TNIK: variants seen among roughly 807,000 people sequenced by gnomAD.
The protein encoded by TNIK is TRAF2 and NCK interacting kinase, also known as TRAF2 and NCK-interacting protein kinase.
A neutral mutation model predicts 191.3 loss-of-function variants in TNIK; 49 were observed. The observed-to-expected ratio is 0.26, with a 90% CI of 0.20 to 0.32. TNIK has a LOEUF of 0.32. TNIK is among the 10% of genes least tolerant of loss of function. The probability of loss-of-function intolerance (pLI) is 1.00; values close to 1 mark genes in which losing one functional copy is unlikely to be tolerated. For synonymous variants in TNIK, 594 were observed against 600.9 expected, an observed-to-expected ratio of 0.99 and a Z score of 0.17; for missense variants, 1,155 against 1,702.3, an observed-to-expected ratio of 0.68 and a Z score of 5.66.
chr3:171,226,829 G>A (rs897132909), intron 3 of TNIK, among the ~76,000 whole-genome samples: 2 of 152,136 alleles, frequency 1.3e-5, no homozygotes, highest in African/African-American at 2.4e-5. Context: ...TTAGTGAAAC[G>A]TGTATTATGG....
At chr3:171,398,997 C>T (rs1015974844) in intron 1 of TNIK, among the ~76,000 whole-genome samples, 8 of 152,180 alleles carry the variant, frequency 5.3e-5, no homozygotes, top group Admixed American at 4.6e-4. Flanking sequence ...CACAGTAGGT[C>T]ACTTCTCTGT....
At chr3:171,317,963 C>A (rs937827100) in intron 2 of TNIK, among the ~76,000 whole-genome samples, 1 of 152,136 alleles carries the variant, frequency 6.6e-6, no homozygotes, top group Non-Finnish European at 1.5e-5. Context: ...GGAAAGGAAA[C>A]GTGTGTGCTT....
At chr3:171,272,949 T>G (rs537585418) in intron 2 of TNIK, among the ~76,000 whole-genome samples, 9 of 152,370 alleles carry the variant, frequency 5.9e-5, no homozygotes, top group Admixed American at 5.2e-4. Context: ...TAAATAGATA[T>G]TCCAGTCTTC....
intron 2 of TNIK, among the ~76,000 whole-genome samples, chr3:171,362,085 G>A (rs1715066858): frequency 6.6e-6 from 1 of 152,114 alleles, no homozygotes; most frequent in African/African-American, 2.4e-5. Flanking sequence ...AAGAAATACT[G>A]TTGCTTCTCC....
intron 21 of TNIK, among the ~76,000 whole-genome samples, chr3:171,103,678 A>G (rs921338474): frequency 7.9e-5 from 12 of 152,016 alleles, no homozygotes; most frequent in African/African-American, 2.9e-4. Flanking sequence ...GTTACTTGTT[A>G]TTAAGAATTA....
chr3:171,177,357 G>A lies in TNIK; in HGVS notation c.663C>T (p.Ile221=), dbSNP rs779194646. ...CACCTTCTGCCATTTCAATGGCGGT[G>A]ATACCCAAAGACCACAAGTCACTCT... The part of the protein sequence containing the change: ...DFKSDLWSLG[I]TAIEMAEGAP... The change falls in exon 8 of 33, where the codon ATC becomes ATT. Residue 221 remains isoleucine (I), a synonymous_variant. Coordinates refer to ENST00000436636, the MANE Select transcript of TNIK (RefSeq NM_015028.4). 1.9e-6 allele frequency: 3 copies of A among 1,606,730 alleles called. No homozygotes were observed. The highest frequency in any genetic ancestry group is 2.7e-5 in the African/African-American group (2 of 74,790).
At chr3:171,231,802 G>A (rs1743685485) in intron 2 of TNIK, among the ~76,000 whole-genome samples, 1 of 152,102 alleles carries the variant, frequency 6.6e-6, no homozygotes, top group Non-Finnish European at 1.5e-5. Flanking sequence ...GAATTGAGTA[G>A]GAAGGGGCCC....
At chr3:171,129,345 A>G (rs1728929171) in intron 15 of TNIK, among the ~76,000 whole-genome samples, 2 of 152,202 alleles carry the variant, frequency 1.3e-5, no homozygotes. Flanking sequence ...AGCTGAGTGC[A>G]TGCACCCTGC....
At chr3:171,077,293 C>A (rs1720091901) in intron 28 of TNIK, among the ~76,000 whole-genome samples, 1 of 152,022 alleles carries the variant, frequency 6.6e-6, no homozygotes, top group African/African-American at 2.4e-5. Context: ...CCCCAGGTTC[C>A]CTTCACCATC....
chr3:171,269,469 T>C (rs1316611062), intron 2 of TNIK, among the ~76,000 whole-genome samples: 2 of 152,242 alleles, frequency 1.3e-5, no homozygotes, highest in African/African-American at 2.4e-5. Flanking sequence ...AAATTATATA[T>C]TGATGTTATA....
intron 1 of TNIK, among the ~76,000 whole-genome samples, chr3:171,429,409 G>C (rs1171327569): frequency 6.6e-6 from 1 of 152,176 alleles, no homozygotes; most frequent in African/African-American, 2.4e-5. Context: ...CAGAAGTTAA[G>C]AGAGAAGAAG....
intron 2 of TNIK, among the ~76,000 whole-genome samples, chr3:171,320,897 G>T (rs1342429787): frequency 6.6e-6 from 1 of 152,138 alleles, no homozygotes; most frequent in Non-Finnish European, 1.5e-5. Context: ...CTAAACACAG[G>T]ACTGGCTGTA....
At chr3:171,315,007 T>C in intron 2 of TNIK, among the ~76,000 whole-genome samples, 1 of 152,078 alleles carries the variant, frequency 6.6e-6, no homozygotes, top group South Asian at 2.1e-4. Context: ...CAACACAAGA[T>C]CTAAAAGTCA....
Position 171,161,281 on chromosome 3 carries a change from T to C in TNIK, c.1005A>G (p.Ser335=), listed in dbSNP as rs1577004170. 1.2e-6 allele frequency: 2 copies of C among 1,613,376 alleles called. No individual in the cohort carries two copies. The highest frequency in any genetic ancestry group is 1.7e-5 in the Admixed American group (1 of 60,008). Residue 335 remains serine (S), a synonymous_variant, in exon 11 of 33, where the codon TCA becomes TCG. Coordinates refer to ENST00000436636, the MANE Select transcript of TNIK (RefSeq NM_015028.4). ...TTTTGCTCTCATACCTGGGCTCTCC[T>C]GAGTCATTCTCCTCCTCTTCTTCCT... ...GSEEEEEEND[S]GEPSSILNLP...
chr3:171,408,017 GA>G (rs1404109298), intron 1 of TNIK, among the ~76,000 whole-genome samples: 1 of 151,832 alleles, frequency 6.6e-6, no homozygotes. Flanking sequence ...GAAGATAAAA[GA>G]AAAAAATCAT....
intron 2 of TNIK, among the ~76,000 whole-genome samples, chr3:171,353,067 C>T (rs940678917): frequency 2.0e-5 from 3 of 152,168 alleles, no homozygotes; most frequent in African/African-American, 7.2e-5. Context: ...TAATTCTTTT[C>T]TACCTTTTTA....
chr3:171,125,804 G>T, intron 17 of TNIK, 108 bp downstream of exon 17: 1 of 1,478,646 alleles, frequency 6.8e-7, no homozygotes, highest in East Asian at 2.5e-5. Context: ...AGAAGGGGAA[G>T]TGCTTTGGCA....
chr3:171,178,902 C>G (rs188390280), intron 7 of TNIK, among the ~76,000 whole-genome samples: 1 of 152,102 alleles, frequency 6.6e-6, no homozygotes, highest in East Asian at 1.9e-4. Flanking sequence ...AATTCATAAC[C>G]TTCATGCTGA....
chr3:171,288,537 G>A (rs543085939), intron 2 of TNIK, among the ~76,000 whole-genome samples: 9 of 150,900 alleles, frequency 6.0e-5, no homozygotes, highest in East Asian at 5.9e-4. Flanking sequence ...GGCCGAGTGC[G>A]GTGGCTCACG....
Sources: allele counts gnomAD v4.1 joint callset (sites outside exome capture counted in the v4.1 genomes callset), GRCh38; gene constraint gnomAD v4.1.1; transcripts MANE v1.5; gene names NCBI Gene and HGNC (gene_info 2026-07-23, HGNC 2026-07-21).